The following NOS1AP variants were observed in gnomAD, a reference collection of about 807,000 sequenced individuals.
The protein encoded by NOS1AP is nitric oxide synthase 1 adaptor protein.
A neutral mutation model predicts 56.2 loss-of-function variants in NOS1AP; 21 were observed. The ratio of observed to expected loss-of-function variants is 0.37; its 90% CI spans 0.26 to 0.54. The LOEUF (loss-of-function observed/expected upper bound fraction) is 0.54, where lower values mean the gene tolerates loss of function less well. Among genes scored for constraint, NOS1AP ranks in the 20% least tolerant of loss-of-function variants. The probability of loss-of-function intolerance (pLI) is 0.84; values close to 1 mark genes in which losing one functional copy is unlikely to be tolerated. For synonymous variants in NOS1AP, 270 were observed against 274.6 expected (o/e 0.98, Z 0.17); for missense variants, 522 against 657.8 (o/e 0.79, Z 2.26).
intron 8 of NOS1AP, 172 bp from the exon 9 acceptor site, chr1:162,365,232 T>A: frequency 1.4e-6 from 2 of 1,465,300 alleles, no homozygotes; most frequent in East Asian, 5.0e-5. Flanking sequence ...TCCTTTTGGC[T>A]CCTCCTCTGG....
At chr1:162,085,618 C>T (rs1558092099) in intron 1 of NOS1AP, among the ~76,000 whole-genome samples, 1 of 152,238 alleles carries the variant, frequency 6.6e-6, no homozygotes, top group East Asian at 1.9e-4. Context: ...GAGTCTGACT[C>T]CTGTTCCCTG....
intron 2 of NOS1AP, among the ~76,000 whole-genome samples, chr1:162,247,395 G>A (rs1020098338): frequency 3.3e-5 from 5 of 152,138 alleles, no homozygotes; most frequent in Non-Finnish European, 5.9e-5. Context: ...TGCCATATCC[G>A]GTAGCACCTG....
chr1:162,251,365 A>G (rs1653842040), intron 2 of NOS1AP, among the ~76,000 whole-genome samples: 1 of 152,006 alleles, frequency 6.6e-6, no homozygotes, highest in African/African-American at 2.4e-5. Context: ...ATCATTTTCT[A>G]CTACCTTGTC....
chr1:162,128,133 T>C (rs1479851665), intron 1 of NOS1AP, among the ~76,000 whole-genome samples: 1 of 152,178 alleles, frequency 6.6e-6, no homozygotes, highest in African/African-American at 2.4e-5. Flanking sequence ...TTTTAGTACT[T>C]GGATTTTTTT....
At position 162,324,416 on chromosome 1, in the gene NOS1AP, C is replaced by CTTTTTTTT. The variant is rs35946766; in HGVS notation, c.345-8580_345-8573dup. 5.7e-4 allele frequency among the ~76,000 whole-genome samples: 41 copies of CTTTTTTTT among 72,146 alleles called. 4 individuals are homozygous for CTTTTTTTT. The highest frequency in any genetic ancestry group is 9.4e-4 in the African/African-American group (19 of 20,248). 47.3% of individuals were successfully genotyped at this position (72,146 alleles called of 152,430 possible). A position where few individuals can be genotyped will look rare whatever the true frequency, so the allele number is the denominator to read the frequency against. On this transcript the variant is annotated intron_variant, in intron 4 of 9. Transcript: ENST00000361897. ...TAGTGGTTTTGTGAGGGACACTAGC[C>CTTTTTTTT]TTTTTTTTTTTTTTTTTTTTTTTTT... is the stretch of plus-strand genomic sequence containing the variant.
chr1:162,125,160 G>T (rs2102056719), intron 1 of NOS1AP, among the ~76,000 whole-genome samples: 1 of 132,604 alleles, frequency 7.5e-6, no homozygotes, highest in African/African-American at 3.4e-5. Context: ...TTAAGACGGA[G>T]TCTCACACTC....
At chr1:162,304,111 G>T (rs1484250199) in intron 4 of NOS1AP, among the ~76,000 whole-genome samples, 2 of 152,014 alleles carry the variant, frequency 1.3e-5, no homozygotes, top group African/African-American at 4.8e-5. Flanking sequence ...AAGTTTATGT[G>T]TATAATCCAA....
intron 2 of NOS1AP, among the ~76,000 whole-genome samples, chr1:162,245,695 C>T (rs1411685907): frequency 6.6e-6 from 1 of 152,188 alleles, no homozygotes; most frequent in Non-Finnish European, 1.5e-5. Flanking sequence ...ATTTTACAAT[C>T]CTGTCAGCTA....
intron 2 of NOS1AP, among the ~76,000 whole-genome samples, chr1:162,160,619 G>A (rs570186018): frequency 1.3e-5 from 2 of 152,230 alleles, no homozygotes; most frequent in Admixed American, 1.3e-4. Context: ...GGGAGGCTTT[G>A]TCCAGGAGTC....
At chr1:162,311,578 TTTC>T (rs1656028886) in intron 4 of NOS1AP, among the ~76,000 whole-genome samples, 4 of 152,014 alleles carry the variant, frequency 2.6e-5, no homozygotes, top group Non-Finnish European at 5.9e-5. Context: ...CACCCTTTGT[TTTC>T]TTTTTTTTTT....
At chr1:162,298,105 G>A (rs535269771) in intron 3 of NOS1AP, among the ~76,000 whole-genome samples, 4 of 152,314 alleles carry the variant, frequency 2.6e-5, no homozygotes, top group Admixed American at 2.0e-4. Context: ...AACAATTCAC[G>A]GAAGACCGTC....
intron 2 of NOS1AP, among the ~76,000 whole-genome samples, chr1:162,198,033 T>C (rs1223110519): frequency 1.3e-5 from 2 of 152,222 alleles, no homozygotes; most frequent in Non-Finnish European, 2.9e-5. Flanking sequence ...GGAGGCGTCA[T>C]GGGCCCGGCC....
intron 4 of NOS1AP, among the ~76,000 whole-genome samples, chr1:162,320,158 C>T (rs1038620140): frequency 5.3e-5 from 8 of 152,058 alleles, no homozygotes; most frequent in East Asian, 1.9e-4. Flanking sequence ...GGGCGGGGTA[C>T]GGAGTAAGAT....
chr1:162,219,493 C>T (rs1303277791), intron 2 of NOS1AP, among the ~76,000 whole-genome samples: 2 of 152,124 alleles, frequency 1.3e-5, no homozygotes, highest in East Asian at 3.8e-4. Flanking sequence ...TTTATCCTTT[C>T]ATCTCTGTCT....
chr1:162,341,132 AC>A (rs1488845377), intron 5 of NOS1AP, among the ~76,000 whole-genome samples: 2 of 152,082 alleles, frequency 1.3e-5, no homozygotes, highest in Non-Finnish European at 2.9e-5. Context: ...TTCGATTCCT[AC>A]CCCTGTCTAA....
intron 2 of NOS1AP, among the ~76,000 whole-genome samples, chr1:162,266,099 G>A (rs1458573432): frequency 6.6e-6 from 1 of 152,192 alleles, no homozygotes; most frequent in Middle Eastern, 3.2e-3. Context: ...CCATTGGCTA[G>A]AATTCAGTCT....
At chr1:162,124,707 G>A (rs1648405628) in intron 1 of NOS1AP, among the ~76,000 whole-genome samples, 2 of 152,058 alleles carry the variant, frequency 1.3e-5, no homozygotes, top group Non-Finnish European at 2.9e-5. Flanking sequence ...ATTTTTAGCA[G>A]CAATGGAATT....
chr1:162,285,115 C>T (rs1418306853), intron 2 of NOS1AP, among the ~76,000 whole-genome samples: 1 of 152,162 alleles, frequency 6.6e-6, no homozygotes, highest in Non-Finnish European at 1.5e-5. Flanking sequence ...AGTTGAGGTC[C>T]AACCTGTCTA....
At chr1:162,122,850 A>G (rs1405641389) in intron 1 of NOS1AP, among the ~76,000 whole-genome samples, 3 of 152,050 alleles carry the variant, frequency 2.0e-5, no homozygotes, top group Admixed American at 6.5e-5. Context: ...AAACTTCTTT[A>G]ATTTTATACT....
Sources: gnomAD v4.1 joint callset for allele counts (sites outside exome capture counted in the v4.1 genomes callset) on GRCh38, gnomAD v4.1.1 for gene constraint, MANE v1.5 for transcripts, NCBI Gene and HGNC (gene_info 2026-07-23, HGNC 2026-07-21) for gene names.